TYR: variants seen among roughly 807,000 people sequenced by gnomAD.
The protein encoded by TYR is LB24-AB.
A neutral mutation model predicts 51.5 loss-of-function variants in TYR; 58 were observed. That is an observed-to-expected ratio of 1.13 (90% CI 0.91 to 1.40). TYR has a LOEUF of 1.40. TYR is among the 40% of genes most tolerant of loss of function. The pLI is 0.00. For missense variants in TYR, 732 were observed against 647.4 expected, an observed-to-expected ratio of 1.13 and a Z score of -1.42; for synonymous variants, 263 against 235.2, an observed-to-expected ratio of 1.12 and a Z score of -1.08.
chr11:89,229,091 G>T (rs538517540), intron 3 of TYR, among the ~76,000 whole-genome samples: 13 of 152,136 alleles, frequency 8.5e-5, no homozygotes, highest in Admixed American at 2.6e-4. Context: ...GAGAATTAAA[G>T]ATTTTACTTA....
rs193227184 is a variant in TYR at position 89,221,176 on chromosome 11, T to C, written c.1037-6647T>C. Among the ~76,000 whole-genome samples the C allele has an allele frequency of 5.9e-5, 9 of 152,332 alleles. No individual in the cohort carries two copies. In the East Asian group the frequency reaches 1.7e-3, roughly 29 times the overall value. ...CCTGACTTTCTGTTCAGTGACTCAC[T>C]GTTAGGGTTAGAGGATTTGTGTTTG... On this transcript the variant is annotated intron_variant, in intron 2 of 4. Coordinates refer to ENST00000263321, the MANE Select transcript of TYR (RefSeq NM_000372.5).
intron 1 of TYR, among the ~76,000 whole-genome samples, chr11:89,183,523 A>C (rs559592304): frequency 6.6e-6 from 1 of 152,264 alleles, no homozygotes; most frequent in African/African-American, 2.4e-5. Flanking sequence ...TGGAAAGAGT[A>C]TAGTCTTTTC....
At chr11:89,254,758 T>C (rs948953946) in intron 3 of TYR, among the ~76,000 whole-genome samples, 6 of 151,874 alleles carry the variant, frequency 4.0e-5, no homozygotes, top group African/African-American at 1.2e-4. Flanking sequence ...ATTTTATTTA[T>C]CTTTTCAAAG....
chr11:89,207,869 A>G, intron 2 of TYR, among the ~76,000 whole-genome samples: 3 of 152,322 alleles, frequency 2.0e-5, no homozygotes, highest in Middle Eastern at 6.8e-3. Context: ...TATATTACAT[A>G]ATATTTTTTC....
At chr11:89,201,988 T>C (rs1256408004) in intron 2 of TYR, among the ~76,000 whole-genome samples, 1 of 152,148 alleles carries the variant, frequency 6.6e-6, no homozygotes, top group Non-Finnish European at 1.5e-5. Flanking sequence ...CAACGTACAT[T>C]ATCAGGCCTT....
chr11:89,292,345 A>G (rs544412197), intron 4 of TYR, among the ~76,000 whole-genome samples: 122 of 152,212 alleles, frequency 8.0e-4, no homozygotes, highest in African/African-American at 2.7e-3. Context: ...TTGGCCTTCA[A>G]TGAGTCATTT....
intron 3 of TYR, among the ~76,000 whole-genome samples, chr11:89,243,413 G>A (rs1232952028): frequency 6.6e-6 from 1 of 152,108 alleles, no homozygotes; most frequent in Non-Finnish European, 1.5e-5. Flanking sequence ...GCATCACCTT[G>A]TCAGTGCAGC....
intron 3 of TYR, among the ~76,000 whole-genome samples, chr11:89,254,529 A>G (rs1944366241): frequency 6.6e-6 from 1 of 151,622 alleles, no homozygotes; most frequent in Non-Finnish European, 1.5e-5. Context: ...CAGGCTTTCT[A>G]ATTCTTCCTG....
chr11:89,226,136 AAAC>A (rs1466516742), intron 2 of TYR, among the ~76,000 whole-genome samples: 1 of 152,128 alleles, frequency 6.6e-6, no homozygotes, highest in Non-Finnish European at 1.5e-5. Flanking sequence ...AAAATCTTGA[AAAC>A]AACTTCTATG....
At chr11:89,288,404 ACGC>A (rs1259949922) in intron 4 of TYR, among the ~76,000 whole-genome samples, 3 of 151,956 alleles carry the variant, frequency 2.0e-5, no homozygotes, top group Admixed American at 6.6e-5. Context: ...ATTGTCTTCT[ACGC>A]ATATGCTCCA....
At chr11:89,285,570 G>T (rs1342521671) in intron 4 of TYR, among the ~76,000 whole-genome samples, 10 of 151,786 alleles carry the variant, frequency 6.6e-5, no homozygotes, top group Admixed American at 3.9e-4. Flanking sequence ...TAATCTTCCT[G>T]CATAGAACCA....
intron 3 of TYR, among the ~76,000 whole-genome samples, chr11:89,240,554 G>A (rs1352729413): frequency 6.6e-6 from 1 of 151,730 alleles, no homozygotes; most frequent in East Asian, 1.9e-4. Flanking sequence ...TGTTTTAATG[G>A]TACTTTTTTG....
At position 89,208,650 on chromosome 11, in the gene TYR, C is replaced by G. The variant is rs141059929; in HGVS notation, c.1036+17232C>G. Among the ~76,000 whole-genome samples, 460 of 152,304 alleles carry G rather than the reference C, an allele frequency of 3.0e-3. 2 individuals carry two copies. Among genetic ancestry groups the G allele is most frequent in the African/African-American group, 9.9e-3 (413 of 41,590 alleles). On this transcript the variant is annotated intron_variant, in intron 2 of 4. Transcript: ENST00000263321. ...CAGTGAGTATGCAATTCATCTGAATCTATGGATCATTTACAGAGAATCTCC... is the reference window on the plus strand; with the variant it reads ...CAGTGAGTATGCAATTCATCTGAATGTATGGATCATTTACAGAGAATCTCC...
intron 3 of TYR, among the ~76,000 whole-genome samples, chr11:89,268,324 T>G (rs1246510983): frequency 6.6e-6 from 1 of 151,892 alleles, no homozygotes; most frequent in Non-Finnish European, 1.5e-5. Flanking sequence ...ATATCAAAAT[T>G]CTCAGCATAG....
chr11:89,197,144 T>C (rs1039844741), intron 2 of TYR, among the ~76,000 whole-genome samples: 1 of 152,028 alleles, frequency 6.6e-6, no homozygotes, highest in African/African-American at 2.4e-5. Flanking sequence ...GAACAACATA[T>C]GCAATGACAC....
chr11:89,248,453 T>C (rs896075055), intron 3 of TYR, among the ~76,000 whole-genome samples: 1 of 151,980 alleles, frequency 6.6e-6, no homozygotes, highest in Non-Finnish European at 1.5e-5. Flanking sequence ...GAGGTAGCCA[T>C]AGAAATCCCT....
intron 1 of TYR, among the ~76,000 whole-genome samples, chr11:89,189,642 C>T (rs1428309084): frequency 2.0e-5 from 3 of 152,076 alleles, no homozygotes; most frequent in African/African-American, 7.2e-5. Context: ...TTGTTACCAA[C>T]CCCAGCCTCA....
At position 89,231,543 on chromosome 11, in the gene TYR, A is replaced by G. The variant is rs1292223833; in HGVS notation, c.1184+3573A>G. ...GTGAAATAAAATGAGTCAGACACACAAAGACAGAAACTGCATGGTCTCACT... is the reference window on the plus strand; with the variant it reads ...GTGAAATAAAATGAGTCAGACACACGAAGACAGAAACTGCATGGTCTCACT... On this transcript the variant is annotated intron_variant, in intron 3 of 4. Coordinates refer to ENST00000263321, the MANE Select transcript of TYR (RefSeq NM_000372.5). Among the ~76,000 whole-genome samples, 3 of 143,430 alleles carry G rather than the reference A, an allele frequency of 2.1e-5. 1 individual carries two copies. Among genetic ancestry groups the G allele is most frequent in the Non-Finnish European group, 4.5e-5 (3 of 66,690 alleles). 94.1% of individuals were successfully genotyped at this position (143,430 alleles called of 152,430 possible). A position where few individuals can be genotyped will look rare whatever the true frequency, so the allele number is the denominator to read the frequency against.
chr11:89,241,121 C>A (rs1944187712), intron 3 of TYR, among the ~76,000 whole-genome samples: 2 of 152,128 alleles, frequency 1.3e-5, no homozygotes, highest in African/African-American at 4.8e-5. Context: ...AGCCATCAAG[C>A]AAAGCTGATG....
Sources: gnomAD v4.1 joint callset for allele counts (sites outside exome capture counted in the v4.1 genomes callset) on GRCh38, gnomAD v4.1.1 for gene constraint, MANE v1.5 for transcripts, NCBI Gene and HGNC (gene_info 2026-07-23, HGNC 2026-07-21) for gene names.